BLACAT1: variants seen among roughly 807,000 people sequenced by gnomAD.
BLACAT1 encodes bladder cancer associated transcript 1.
intron 1 of BLACAT1, among the ~76,000 whole-genome samples, chr1:205,452,225 T>G (rs1666507088): frequency 1.3e-5 from 2 of 152,150 alleles, no homozygotes; most frequent in Admixed American, 1.3e-4. Context: ...AGCAACTCCC[T>G]TTTTAGGGAG....
chr1:205,447,000 C>CGG, intron 1 of BLACAT1, among the ~76,000 whole-genome samples: 1 of 152,326 alleles, frequency 6.6e-6, no homozygotes, highest in African/African-American at 2.4e-5. Flanking sequence ...AGTTGGGCCA[C>CGG]GGGGCCAATT....
At chr1:205,453,944 T>C (rs1666529937) in intron 1 of BLACAT1, among the ~76,000 whole-genome samples, 1 of 152,220 alleles carries the variant, frequency 6.6e-6, no homozygotes, top group Non-Finnish European at 1.5e-5. Context: ...GCCCAAGCAC[T>C]ATTCCTGCCC....
At chr1:205,455,147 G>T (rs6675313) in intron 1 of BLACAT1, among the ~76,000 whole-genome samples, 2 of 152,188 alleles carry the variant, frequency 1.3e-5, no homozygotes, top group Non-Finnish European at 2.9e-5. Flanking sequence ...GCCCCTACCC[G>T]GCCAGAGCTC....
In BLACAT1 at chr1:205,452,319, T is replaced by C. The variant is rs977989009; in HGVS notation, c.-37+3598A>G. On this transcript the variant is annotated intron_variant, in intron 1 of 1. Coordinates refer to ENST00000629624, the Ensembl canonical transcript of BLACAT1. Reference sequence around the variant, plus strand: ...CATCAGGGCACTGGTTGGAGATGGCTCTGGTTGAGGCTAAGCCAGGAGGAG... The same window carrying C: ...CATCAGGGCACTGGTTGGAGATGGCCCTGGTTGAGGCTAAGCCAGGAGGAG... Among the ~76,000 whole-genome samples, 5 of 152,158 alleles carry C rather than the reference T, an allele frequency of 3.3e-5. No individual in the cohort carries two copies. The East Asian group carries it at 9.6e-4, about 29-fold the overall frequency.
At chr1:205,442,938 A>G (rs1666320268) in intron 1 of BLACAT1, among the ~76,000 whole-genome samples, 2 of 152,156 alleles carry the variant, frequency 1.3e-5, no homozygotes, top group Admixed American at 1.3e-4. Flanking sequence ...AAGTGGCTAC[A>G]TCTCTCTGGG....
At position 205,441,758 on chromosome 1, in the gene BLACAT1, AAGGGTTGAG is replaced by A. The variant is rs1256548401; in HGVS notation, c.-36-705_-36-697del. Among the ~76,000 whole-genome samples the A allele has an allele frequency of 6.6e-6, 1 of 152,180 alleles. No homozygotes were observed. Among genetic ancestry groups the A allele is most frequent in the Non-Finnish European group, 1.5e-5 (1 of 68,038 alleles). ...TTTTATTTAGCACCTATGCTGGGCA[AAGGGTTGAG>A]AGGTAGATACAAAAGGGTAAAGACA... On this transcript the variant is annotated intron_variant, in intron 1 of 1. Coordinates refer to ENST00000629624, the Ensembl canonical transcript of BLACAT1. The surrounding 1 kb of genome is among the most constrained non-coding windows in gnomAD (Gnocchi z 4.3).
intron 1 of BLACAT1, among the ~76,000 whole-genome samples, chr1:205,443,698 T>A (rs1666335244): frequency 6.6e-6 from 1 of 152,102 alleles, no homozygotes; most frequent in Non-Finnish European, 1.5e-5. Context: ...TCTAACAGGG[T>A]CTCTAAAAGG....
At chr1:205,444,625 C>A (rs932781301) in intron 1 of BLACAT1, among the ~76,000 whole-genome samples, 1 of 152,002 alleles carries the variant, frequency 6.6e-6, no homozygotes, top group Non-Finnish European at 1.5e-5. Flanking sequence ...TCAGAGCAGG[C>A]CAGAAAGTAA....
At chr1:205,442,167 C>T (rs1666306090) in intron 1 of BLACAT1, among the ~76,000 whole-genome samples, 1 of 152,096 alleles carries the variant, frequency 6.6e-6, no homozygotes, top group Admixed American at 6.6e-5. Flanking sequence ...CAGGCCGGGG[C>T]CTGGTCTGAA....
At chr1:205,444,684 G>A (rs912084882) in intron 1 of BLACAT1, among the ~76,000 whole-genome samples, 2 of 152,146 alleles carry the variant, frequency 1.3e-5, no homozygotes, top group Non-Finnish European at 2.9e-5. Context: ...AAACTCCTAG[G>A]TGTCTCGAAT....
downstream of BLACAT1, chr1:205,437,905 G>A (rs979873391): frequency 6.6e-6 from 1 of 152,164 alleles, no homozygotes; most frequent in African/African-American, 2.4e-5. Flanking sequence ...GTGTATTTCA[G>A]TTAGTTAATT....
At chr1:205,446,814 T>C (rs1010784940) in intron 1 of BLACAT1, among the ~76,000 whole-genome samples, 3 of 152,154 alleles carry the variant, frequency 2.0e-5, no homozygotes, top group Non-Finnish European at 4.4e-5. Context: ...CCAATTCTCA[T>C]GCCTTGTTCC....
downstream of BLACAT1, chr1:205,435,983 C>T (rs1666198028): frequency 6.6e-6 from 1 of 152,216 alleles, no homozygotes; most frequent in African/African-American, 2.4e-5. Flanking sequence ...ACCAGCCTGG[C>T]CTCTCTGGAA....
intron 1 of BLACAT1, among the ~76,000 whole-genome samples, chr1:205,446,163 T>C (rs564993469): frequency 2.0e-5 from 3 of 152,360 alleles, no homozygotes; most frequent in African/African-American, 7.2e-5. Flanking sequence ...GCTTATTCAA[T>C]GCAATTGAAC....
At chr1:205,455,127 G>A (rs986828026) in intron 1 of BLACAT1, among the ~76,000 whole-genome samples, 5 of 152,244 alleles carry the variant, frequency 3.3e-5, no homozygotes, top group Non-Finnish European at 7.4e-5. Context: ...TTGTCTAGCT[G>A]CCTTCCTGGG....
rs1666298972 is a variant in BLACAT1 at position 205,441,869 on chromosome 1, C to T, written c.-36-807G>A. On this transcript the variant is annotated intron_variant, in intron 1 of 1. Transcript: ENST00000629624. This position sits in a 1 kb window ranked among gnomAD's most constrained non-coding sequence, Gnocchi z 4.3. ...CCCCAGCTGGACACGCTGTCCCCCA[C>T]CTCTGGCTGACCCGGCCCTCAGCAG... Among the ~76,000 whole-genome samples the T allele has an allele frequency of 1.3e-5, 2 of 152,334 alleles. No individual in the cohort carries two copies. Among genetic ancestry groups the T allele is most frequent in the Admixed American group, 6.5e-5 (1 of 15,310 alleles).
At chr1:205,436,051 C>T (rs887478069), downstream of BLACAT1, 5 of 152,282 alleles carry the variant, frequency 3.3e-5, no homozygotes, top group Admixed American at 3.3e-4. Context: ...GCAGTGTTGC[C>T]ATGGCAACAG....
chr1:205,449,235 G>A (rs1015911322), intron 1 of BLACAT1, among the ~76,000 whole-genome samples: 3 of 152,168 alleles, frequency 2.0e-5, no homozygotes, highest in African/African-American at 4.8e-5. Flanking sequence ...CAAGGTCTCA[G>A]GGCCCTGGAA....
chr1:205,454,112 C>T (rs1666532712), intron 1 of BLACAT1, among the ~76,000 whole-genome samples: 2 of 152,146 alleles, frequency 1.3e-5, no homozygotes, highest in Non-Finnish European at 2.9e-5. Flanking sequence ...TTCAGGGACA[C>T]CACTCATTTA....
Sources: gnomAD v4.1 joint callset for allele counts (sites outside exome capture counted in the v4.1 genomes callset) on GRCh38, gnomAD v4.1.1 for gene constraint, Gnocchi (gnomAD v3.1) non-coding constraint, MANE v1.5 for transcripts, NCBI Gene and HGNC (gene_info 2026-07-23, HGNC 2026-07-21) for gene names.